The following ARHGEF2 variants were observed in gnomAD, a reference collection of about 807,000 sequenced individuals.
The protein encoded by ARHGEF2 is rho guanine nucleotide exchange factor 2.
A neutral mutation model predicts 121.0 loss-of-function variants in ARHGEF2; 22 were observed. The ratio of observed to expected loss-of-function variants is 0.18; its 90% CI spans 0.13 to 0.26. ARHGEF2 has a LOEUF of 0.26. Among genes scored for constraint, ARHGEF2 ranks in the 10% least tolerant of loss-of-function variants. The probability of loss-of-function intolerance (pLI) is 1.00; values close to 1 mark genes in which losing one functional copy is unlikely to be tolerated. For missense variants in ARHGEF2, 907 were observed against 1,336.0 expected, an observed-to-expected ratio of 0.68 and a Z score of 5.01; for synonymous variants, 487 against 530.0, an observed-to-expected ratio of 0.92 and a Z score of 1.11.
At chr1:155,948,692 T>C (rs1360986055) in intron 21 of ARHGEF2, among the ~76,000 whole-genome samples, 1 of 152,130 alleles carries the variant, frequency 6.6e-6, no homozygotes, top group African/African-American at 2.4e-5. Flanking sequence ...TATGTACCTG[T>C]AGCCCCAGCT....
intron 21 of ARHGEF2, among the ~76,000 whole-genome samples, chr1:155,949,588 A>AG (rs1015011966): frequency 2.0e-5 from 3 of 151,946 alleles, no homozygotes; most frequent in Non-Finnish European, 4.4e-5. Context: ...TCAAAAAAAA[A>AG]AAAAATTTAG....
At chr1:155,958,213 C>A in intron 12 of ARHGEF2, 107 bp downstream of exon 12, 1 of 823,452 alleles carries the variant, frequency 1.2e-6, no homozygotes, top group South Asian at 1.6e-5. Context: ...ACAATTATAG[C>A]TGTTTGACTC....
chr1:155,951,315 T>C lies in ARHGEF2; in HGVS notation c.2260-43A>G, dbSNP rs1379184473. ...GCAGAAGGGTTTATCAGAACCCCTG[T>C]GCTCTTCTACCCCTCGCCTTCACCC... On this transcript the variant is annotated intron_variant, in intron 19 of 21. Coordinates refer to ENST00000361247, the MANE Select transcript of ARHGEF2 (RefSeq NM_001162383.2). This position sits in a 1 kb window ranked among gnomAD's most constrained non-coding sequence, Gnocchi z 5.1. 1 of 1,571,102 alleles carries C rather than the reference T, an allele frequency of 6.4e-7. No homozygotes were observed. Among genetic ancestry groups the C allele is most frequent in the Non-Finnish European group, 8.7e-7 (1 of 1,155,136 alleles).
chr1:155,951,443 G>T lies in ARHGEF2; in HGVS notation c.2259+40C>A, dbSNP rs374936642. On this transcript the variant is annotated intron_variant, in intron 19 of 21. Transcript: ENST00000361247. This position sits in a 1 kb window ranked among gnomAD's most constrained non-coding sequence, Gnocchi z 5.1. ...CCACCTAAACAGGCATCTCTAGCCT[G>T]GCTCCTCCCCTTCCCCATTCAAGCC... 609 of 1,612,364 alleles carry T rather than the reference G, an allele frequency of 3.8e-4. 3 individuals are homozygous for T. Among genetic ancestry groups the T allele is most frequent in the Admixed American group, 6.7e-4 (40 of 59,988 alleles).
At chr1:155,977,193 G>A (rs915469947) in intron 1 of ARHGEF2, among the ~76,000 whole-genome samples, 4 of 152,148 alleles carry the variant, frequency 2.6e-5, no homozygotes, top group Admixed American at 6.5e-5. Flanking sequence ...AACCAACTCT[G>A]GGCTGGGACC....
chr1:155,965,283 C>A lies in ARHGEF2; in HGVS notation c.580+20G>T. 1 of 1,612,948 alleles carries A rather than the reference C, an allele frequency of 6.2e-7. No individual in the cohort carries two copies. ...CCTCTTCATGTTCCTCAGGGCTCCC[C>A]TGGGCCCAGGCCTGCTCACCTTCGT... On this transcript the variant is annotated intron_variant, in intron 6 of 21. Coordinates refer to ENST00000361247, the MANE Select transcript of ARHGEF2 (RefSeq NM_001162383.2). The surrounding 1 kb of genome is among the most constrained non-coding windows in gnomAD (Gnocchi z 6.0).
At chr1:155,966,562 G>A (rs961478177) in intron 3 of ARHGEF2, 83 bp from the exon 4 acceptor site, 3 of 1,488,134 alleles carry the variant, frequency 2.0e-6, no homozygotes, top group Non-Finnish European at 2.8e-6. Context: ...CAGGAGCTAG[G>A]TGGCCGGCCC....
intron 2 of ARHGEF2, among the ~76,000 whole-genome samples, chr1:155,967,469 G>A (rs532174156): frequency 2.0e-5 from 3 of 152,288 alleles, no homozygotes; most frequent in East Asian, 1.9e-4. Context: ...GAGAGGTGGT[G>A]TTTACACTCC....
chr1:155,977,414 A>C (rs1470342771), intron 1 of ARHGEF2, among the ~76,000 whole-genome samples: 1 of 152,112 alleles, frequency 6.6e-6, no homozygotes, highest in Non-Finnish European at 1.5e-5. Flanking sequence ...AGTGGCCAAG[A>C]GGTCATGATG....
rs1674556962 is a variant in ARHGEF2 at position 155,947,232 on chromosome 1, G to A, written c.*710C>T. ...CTCTTAAAAATATAAAACACGTGCA[G>A]TTGACTTTGGTACAAAAAAGAAAAC... On this transcript the variant is annotated 3_prime_UTR_variant, in exon 22 of 22. Transcript: ENST00000361247. The A allele has an allele frequency of 7.6e-6, 3 of 396,730 alleles. No individual in the cohort carries two copies. Among genetic ancestry groups the A allele is most frequent in the South Asian group, 3.6e-5 (2 of 55,174 alleles). 24.6% of individuals were successfully genotyped at this position (396,730 alleles called of 1,614,324 possible).
chr1:155,958,835 T>C (rs985558221), intron 11 of ARHGEF2, among the ~76,000 whole-genome samples: 2 of 145,934 alleles, frequency 1.4e-5, no homozygotes, highest in Non-Finnish European at 1.5e-5. Flanking sequence ...AGTTTCGGCC[T>C]CCCAAAGTGC....
intron 1 of ARHGEF2, 61 bp from the exon 2 acceptor site, chr1:155,969,361 C>G (rs913604970): frequency 1.5e-5 from 24 of 1,601,638 alleles, no homozygotes; most frequent in Admixed American, 5.0e-5. Context: ...GCCTGGAGTC[C>G]AGAGAGACAG....
At chr1:155,972,294 C>G (rs977542633) in intron 1 of ARHGEF2, 1 of 464,018 alleles carries the variant, frequency 2.2e-6, no homozygotes, top group Non-Finnish European at 4.4e-6. Flanking sequence ...GGGCCAGCAG[C>G]GGGCAGCAGC....
chr1:155,953,692 A>G (rs80325255), intron 14 of ARHGEF2, among the ~76,000 whole-genome samples: 1 of 148,064 alleles, frequency 6.8e-6, no homozygotes, highest in East Asian at 2.1e-4. Flanking sequence ...CAGTGAGTCG[A>G]GATCACGCCA....
intron 11 of ARHGEF2, among the ~76,000 whole-genome samples, chr1:155,959,556 A>AT (rs1294693996): frequency 6.9e-6 from 1 of 145,662 alleles, no homozygotes; most frequent in Non-Finnish European, 1.5e-5. Context: ...CCTATTTTTT[A>AT]TTTTTTGGGA....
Position 155,961,596 on chromosome 1 carries a change from C to A in ARHGEF2, c.1468+65G>T. 3.8e-6 allele frequency: 6 copies of A among 1,567,070 alleles called. No individual in the cohort carries two copies. The highest frequency in any genetic ancestry group is 5.2e-6 in the Non-Finnish European group (6 of 1,158,856). ...GGCCAAGAGAGGTTGATTCTAAGACCTGCAGGCATCTCCCACTCTCCATCT... is the reference window on the plus strand; with the variant it reads ...GGCCAAGAGAGGTTGATTCTAAGACATGCAGGCATCTCCCACTCTCCATCT... On this transcript the variant is annotated intron_variant, in intron 11 of 21. Coordinates refer to ENST00000361247, the MANE Select transcript of ARHGEF2 (RefSeq NM_001162383.2). This position sits in a 1 kb window ranked among gnomAD's most constrained non-coding sequence, Gnocchi z 4.7.
At chr1:155,955,395 G>T (rs766613214) in intron 13 of ARHGEF2, among the ~76,000 whole-genome samples, 2 of 152,082 alleles carry the variant, frequency 1.3e-5, no homozygotes, top group Non-Finnish European at 2.9e-5. Flanking sequence ...TGGGATTACA[G>T]GCATGAGCCA....
chr1:155,966,761 G>A, intron 3 of ARHGEF2, 59 bp downstream of exon 3: 1 of 1,485,632 alleles, frequency 6.7e-7, no homozygotes. Flanking sequence ...GAAAAGGCAT[G>A]AGGGTACCGC....
chr1:155,954,519 A>G lies in ARHGEF2; in HGVS notation c.1783+383T>C, dbSNP rs146753261. Among the ~76,000 whole-genome samples the G allele has an allele frequency of 8.1e-3, 1,199 of 147,236 alleles. 16 individuals carry two copies. The highest frequency in any genetic ancestry group is 0.029 in the African/African-American group (1,145 of 40,136). ...TAGCCAGGATGGTCTCAATCTCCTG[A>G]CCTCGTGATCCGCCCACCTCGGCCT... On this transcript the variant is annotated intron_variant, in intron 14 of 21. Transcript: ENST00000361247.
Sources: gnomAD v4.1 joint callset for allele counts (sites outside exome capture counted in the v4.1 genomes callset) on GRCh38, gnomAD v4.1.1 for gene constraint, Gnocchi (gnomAD v3.1) non-coding constraint, MANE v1.5 for transcripts, NCBI Gene and HGNC (gene_info 2026-07-23, HGNC 2026-07-21) for gene names.